Variants in ARHGAP20 observed in about 807,000 individuals in gnomAD.
The protein encoded by ARHGAP20 is Rho GTPase activating protein 20.
In ARHGAP20, 34 loss-of-function variants were observed where a neutral mutation model predicts 73.7. The observed-to-expected ratio is 0.46, with a 90% confidence interval of 0.35 to 0.61. The LOEUF (loss-of-function observed/expected upper bound fraction) is 0.61. Ranked by LOEUF, ARHGAP20 falls within the 20% of genes least tolerant of loss-of-function variation. The probability of loss-of-function intolerance (pLI) is 0.00; values close to 1 mark genes in which losing one functional copy is unlikely to be tolerated. For synonymous variants in ARHGAP20, 523 were observed against 518.2 expected (o/e 1.01, Z -0.13); for missense variants, 1,314 against 1,420.9 (o/e 0.92, Z 1.21).
chr11:110,588,128 T>C (rs1947720051), intron 11 of ARHGAP20, among the ~76,000 whole-genome samples: 1 of 152,172 alleles, frequency 6.6e-6, no homozygotes, highest in South Asian at 2.1e-4. Context: ...CTCAATGAAC[T>C]CTCCCACAGC....
At chr11:110,696,900 A>G (rs934932794) in intron 1 of ARHGAP20, among the ~76,000 whole-genome samples, 1 of 151,766 alleles carries the variant, frequency 6.6e-6, no homozygotes, top group African/African-American at 2.4e-5. Flanking sequence ...AAAGAAAATT[A>G]TTTCATTCTT....
chr11:110,595,377 T>G (rs1273214843), intron 9 of ARHGAP20, among the ~76,000 whole-genome samples: 1 of 152,214 alleles, frequency 6.6e-6, no homozygotes, highest in Non-Finnish European at 1.5e-5. Flanking sequence ...ATGACACGAT[T>G]GTATATCTAG....
At chr11:110,628,608 C>T (rs755251776) in intron 3 of ARHGAP20, among the ~76,000 whole-genome samples, 8 of 152,054 alleles carry the variant, frequency 5.3e-5, no homozygotes, top group South Asian at 2.1e-4. Flanking sequence ...TTAGATCATT[C>T]GCACTTTTAA....
intron 2 of ARHGAP20, among the ~76,000 whole-genome samples, chr11:110,671,933 T>C (rs1482880495): frequency 6.6e-6 from 1 of 152,188 alleles, no homozygotes; most frequent in Admixed American, 6.5e-5. Flanking sequence ...TTTCAATCAA[T>C]TTCTTTGATT....
chr11:110,602,413 A>C (rs1254628489), intron 9 of ARHGAP20, among the ~76,000 whole-genome samples: 1 of 152,230 alleles, frequency 6.6e-6, no homozygotes, highest in African/African-American at 2.4e-5. Flanking sequence ...TAACAGACCA[A>C]TGGTTAATCA....
intron 11 of ARHGAP20, among the ~76,000 whole-genome samples, chr11:110,586,591 C>T (rs1348185417): frequency 2.0e-5 from 3 of 152,124 alleles, no homozygotes; most frequent in Non-Finnish European, 2.9e-5. Context: ...TTACTGTTTG[C>T]ATATATTTTA....
At chr11:110,672,008 C>G (rs1028641180) in intron 2 of ARHGAP20, among the ~76,000 whole-genome samples, 1 of 152,040 alleles carries the variant, frequency 6.6e-6, no homozygotes, top group African/African-American at 2.4e-5. Context: ...AATCCTCTAC[C>G]CTTATTTTAT....
intron 2 of ARHGAP20, among the ~76,000 whole-genome samples, chr11:110,685,885 T>G (rs1413041711): frequency 6.6e-6 from 1 of 152,164 alleles, no homozygotes; most frequent in Non-Finnish European, 1.5e-5. Context: ...TTTTGCAGTC[T>G]AGTTCTCATG....
intron 2 of ARHGAP20, among the ~76,000 whole-genome samples, chr11:110,649,182 T>A (rs1294204651): frequency 6.6e-6 from 1 of 151,690 alleles, no homozygotes; most frequent in African/African-American, 2.4e-5. Context: ...TACTATTGTT[T>A]GTTTTCCAAT....
chr11:110,583,783 A>T (rs1167365768), intron 12 of ARHGAP20, 46 bp from the exon 13 acceptor site: 1 of 1,446,994 alleles, frequency 6.9e-7, no homozygotes, highest in South Asian at 1.6e-5. Context: ...TTCATTCAAA[A>T]ACTTGTAAAG....
intron 2 of ARHGAP20, among the ~76,000 whole-genome samples, chr11:110,675,593 C>A (rs775573724): frequency 6.6e-6 from 1 of 152,110 alleles, no homozygotes; most frequent in Non-Finnish European, 1.5e-5. Context: ...CAACCTAGCT[C>A]CTCCACATGC....
intron 2 of ARHGAP20, among the ~76,000 whole-genome samples, chr11:110,647,079 T>C (rs1183027168): frequency 6.6e-6 from 1 of 152,018 alleles, no homozygotes; most frequent in Admixed American, 6.6e-5. Context: ...ATGGTAGCTG[T>C]GGGGGTTTTA....
At chr11:110,690,714 G>T in intron 1 of ARHGAP20, 85 bp from the exon 2 acceptor site, 1 of 1,292,370 alleles carries the variant, frequency 7.7e-7, no homozygotes, top group Non-Finnish European at 1.1e-6. Flanking sequence ...AATTTAACAA[G>T]TTTTGCATTG....
In ARHGAP20 at chr11:110,580,987, C is replaced by T; in HGVS notation, c.1959G>A (p.Arg653=). Residue 653 remains arginine (R), a synonymous_variant, in exon 15 of 15, where the codon CGG becomes CGA. Transcript: ENST00000683387. The part of the protein sequence containing the change: ...HSKDEDVQMK[R]PLESKPVNIL... The stretch of plus-strand genomic sequence containing the variant: ...TGTTCACCGGCTTGGATTCAAGAGG[C>T]CGTTTCATTTGAACATCTTCATCTT... 6.2e-7 allele frequency: 1 copy of T among 1,614,122 alleles called. No individual in the cohort carries two copies. Among genetic ancestry groups the T allele is most frequent in the Non-Finnish European group, 8.5e-7 (1 of 1,180,032 alleles).
chr11:110,626,946 T>C (rs200832073), intron 3 of ARHGAP20, among the ~76,000 whole-genome samples: 112 of 152,274 alleles, frequency 7.4e-4, no homozygotes, highest in African/African-American at 2.6e-3. Flanking sequence ...TCAATTTCCA[T>C]AGTATTAGAC....
intron 2 of ARHGAP20, among the ~76,000 whole-genome samples, chr11:110,649,784 A>G (rs1191883820): frequency 1.3e-5 from 2 of 152,152 alleles, no homozygotes; most frequent in Non-Finnish European, 2.9e-5. Context: ...AAACAAGTAG[A>G]TTTTGGATTA....
At chr11:110,680,540 C>T (rs1021026114) in intron 2 of ARHGAP20, among the ~76,000 whole-genome samples, 31 of 152,104 alleles carry the variant, frequency 2.0e-4, no homozygotes, top group South Asian at 2.1e-4. Flanking sequence ...GGCAAATAAA[C>T]ATGCACTAAT....
rs758180280 is a variant in ARHGAP20, at chr11:110,579,739, T to G, written c.3207A>C (p.Gly1069=). 6.2e-7 allele frequency: 1 copy of G among 1,613,858 alleles called. No homozygotes were observed. Among genetic ancestry groups the G allele is most frequent in the African/African-American group, 1.3e-5 (1 of 74,952 alleles). ...AAGCATGTGGGGGTGGCTCTAAGGG[T>G]CCTTTTGGAGAAGCTATTTTCTCTT... ...PEEEKIASPK[G]PLEPPPHASG... The change falls in exon 15 of 15, where the codon GGA becomes GGC. Residue 1069 remains glycine (G), a synonymous_variant. Transcript: ENST00000683387.
chr11:110,689,641 G>C (rs1188589207), intron 2 of ARHGAP20, among the ~76,000 whole-genome samples: 1 of 152,108 alleles, frequency 6.6e-6, no homozygotes, highest in African/African-American at 2.4e-5. Flanking sequence ...GCAGGAAAAG[G>C]CTCCCCGCAA....
Sources: allele counts gnomAD v4.1 joint callset (sites outside exome capture counted in the v4.1 genomes callset), GRCh38; gene constraint gnomAD v4.1.1; transcripts MANE v1.5; gene names NCBI Gene and HGNC (gene_info 2026-07-23, HGNC 2026-07-21).